The following ALK variants were observed in gnomAD, a reference collection of about 807,000 sequenced individuals.
The protein encoded by ALK is ALK receptor tyrosine kinase.
Under a neutral mutation model 163.1 loss-of-function variants are expected in ALK, and 74 were observed. That is an observed-to-expected ratio of 0.45 (90% CI 0.38 to 0.55). The LOEUF is 0.55. Among genes scored for constraint, ALK ranks in the 20% least tolerant of loss-of-function variants. The pLI is 0.00. For synonymous variants in ALK, 960 were observed against 843.2 expected (o/e 1.14, Z -2.40); for missense variants, 2,063 against 2,105.3 (o/e 0.98, Z 0.39).
At chr2:29,389,086 T>C (rs1386067555) in intron 4 of ALK, among the ~76,000 whole-genome samples, 1 of 152,248 alleles carries the variant, frequency 6.6e-6, no homozygotes, top group Non-Finnish European at 1.5e-5. Context: ...CGCATTCCAT[T>C]TCTCAGATAT....
chr2:29,589,422 A>G (rs1033629759), intron 3 of ALK, among the ~76,000 whole-genome samples: 1 of 152,202 alleles, frequency 6.6e-6, no homozygotes, highest in Non-Finnish European at 1.5e-5. Context: ...ACAACCCTGC[A>G]AGGACAGGTT....
chr2:29,673,724 G>A (rs1413333164), intron 3 of ALK, among the ~76,000 whole-genome samples: 2 of 149,876 alleles, frequency 1.3e-5, no homozygotes, highest in Non-Finnish European at 3.0e-5. Context: ...GAAAGGCATT[G>A]GTAGCTTGAT....
intron 8 of ALK, among the ~76,000 whole-genome samples, chr2:29,308,431 TA>T (rs1357951148): frequency 6.6e-6 from 1 of 152,156 alleles, no homozygotes; most frequent in African/African-American, 2.4e-5. Context: ...AATGCTATAT[TA>T]AAAAGGTGGT....
intron 1 of ALK, among the ~76,000 whole-genome samples, chr2:29,876,684 G>GGTA: frequency 6.7e-6 from 1 of 148,622 alleles, no homozygotes; most frequent in African/African-American, 2.5e-5. Flanking sequence ...TAACGATGGT[G>GGTA]ATATGGTGAT....
chr2:29,232,593 G>T, intron 14 of ALK, 145 bp from the exon 15 acceptor site: 2 of 1,098,336 alleles, frequency 1.8e-6, no homozygotes, highest in East Asian at 2.6e-5. Context: ...TGGTTTGCGG[G>T]CTCTGAACCC....
At chr2:29,275,592 G>A in intron 9 of ALK, 96 bp from the exon 10 acceptor site, 1 of 1,303,440 alleles carries the variant, frequency 7.7e-7, no homozygotes, top group East Asian at 2.3e-5. Context: ...ACCTGGCTCA[G>A]AATGTGAGTT....
chr2:29,222,311 A>G (rs1377565983), intron 22 of ALK, 33 bp downstream of exon 22: 1 of 1,600,926 alleles, frequency 6.2e-7, no homozygotes, highest in East Asian at 2.2e-5. Flanking sequence ...GGCAGAGGGG[A>G]GTTGGGGTGA....
At chr2:29,538,190 G>T (rs4305228) in intron 3 of ALK, among the ~76,000 whole-genome samples, 43,373 of 147,650 alleles carry the variant, frequency 0.29, 7,054 homozygotes, top group East Asian at 0.65. Context: ...CATGATATTT[G>T]GGGGGGGCAG....
chr2:29,257,285 C>A (rs1235129876), intron 11 of ALK, among the ~76,000 whole-genome samples: 2 of 152,024 alleles, frequency 1.3e-5, no homozygotes, highest in African/African-American at 4.8e-5. Flanking sequence ...ACACATACCC[C>A]ATACTGAAAA....
chr2:29,777,152 C>T (rs1267342311), intron 1 of ALK, among the ~76,000 whole-genome samples: 2 of 152,218 alleles, frequency 1.3e-5, no homozygotes. Context: ...ATACACTAAA[C>T]TAGCATTTGC....
chr2:29,489,952 T>C (rs755548340), intron 4 of ALK, among the ~76,000 whole-genome samples: 1 of 152,238 alleles, frequency 6.6e-6, no homozygotes, highest in Non-Finnish European at 1.5e-5. Flanking sequence ...ATCAGAAACA[T>C]GGTTGTTGCA....
At chr2:29,306,796 T>A (rs910145055) in intron 8 of ALK, among the ~76,000 whole-genome samples, 5 of 152,208 alleles carry the variant, frequency 3.3e-5, no homozygotes, top group Admixed American at 3.3e-4. Flanking sequence ...TCCTAGTAGA[T>A]ATAGGTTATA....
At chr2:29,443,565 T>C (rs1670597684) in intron 4 of ALK, among the ~76,000 whole-genome samples, 1 of 152,174 alleles carries the variant, frequency 6.6e-6, no homozygotes, top group South Asian at 2.1e-4. Context: ...CTGCCCTCCT[T>C]TGCCCGCTGG....
At chr2:29,205,933 C>T (rs1439770566) in intron 26 of ALK, among the ~76,000 whole-genome samples, 3 of 152,038 alleles carry the variant, frequency 2.0e-5, no homozygotes, top group African/African-American at 7.3e-5. Flanking sequence ...TTCTCTTCAT[C>T]GGTCCTCCAA....
intron 4 of ALK, among the ~76,000 whole-genome samples, chr2:29,443,258 G>A (rs56018269): frequency 0.021 from 3,168 of 152,310 alleles, 60 homozygotes; most frequent in Non-Finnish European, 0.032. Context: ...CCAGGGAGCA[G>A]GTGTCCCTGA....
intron 3 of ALK, among the ~76,000 whole-genome samples, chr2:29,634,094 T>C (rs1676455560): frequency 6.7e-6 from 1 of 149,790 alleles, no homozygotes; most frequent in African/African-American, 2.4e-5. Context: ...TCCTGGCTAT[T>C]CATGAAAGGA....
At position 29,830,712 on chromosome 2, in the gene ALK, T is replaced by TA. The variant is rs1665344950; in HGVS notation, c.667+89280_667+89281insT. The stretch of plus-strand genomic sequence containing the variant: ...AGCAAGACCCTGTCTCTAAAATAGT[T>TA]TAAAAAAAAAAAAAAAAAAAAAAAA... On this transcript the variant is annotated intron_variant, in intron 1 of 28. Transcript: ENST00000389048. 4.1e-4 allele frequency among the ~76,000 whole-genome samples: 26 copies of TA among 63,520 alleles called. 6 individuals are homozygous for TA. The highest frequency in any genetic ancestry group is 2.8e-3 in the South Asian group (4 of 1,424). The allele number at this position is 63,520 out of a possible 152,430, so 41.7% of individuals were successfully genotyped here. A position where few individuals can be genotyped will look rare whatever the true frequency, so the allele number is the denominator to read the frequency against.
chr2:29,857,109 C>T (rs570117274), intron 1 of ALK, among the ~76,000 whole-genome samples: 30 of 152,250 alleles, frequency 2.0e-4, no homozygotes, highest in African/African-American at 7.2e-4. Flanking sequence ...ATTTATGCAC[C>T]TTGTTTATAA....
chr2:29,812,098 C>T (rs1287823132), intron 1 of ALK, among the ~76,000 whole-genome samples: 2 of 152,154 alleles, frequency 1.3e-5, no homozygotes, highest in African/African-American at 4.8e-5. Context: ...GAAGGAAGGA[C>T]AAGTATGAGA....
Sources: gnomAD v4.1 joint callset for allele counts (sites outside exome capture counted in the v4.1 genomes callset) on GRCh38, gnomAD v4.1.1 for gene constraint, MANE v1.5 for transcripts, NCBI Gene and HGNC (gene_info 2026-07-23, HGNC 2026-07-21) for gene names.